Variants in BUB1 observed in about 807,000 individuals in gnomAD.
The protein encoded by BUB1 is mitotic checkpoint serine/threonine-protein kinase BUB1.
In BUB1, 84 loss-of-function variants were observed where a neutral mutation model predicts 135.2. The ratio of observed to expected loss-of-function variants is 0.62; its 90% CI spans 0.52 to 0.74. The LOEUF is 0.74. BUB1 is among the 30% of genes least tolerant of loss of function. The probability of loss-of-function intolerance (pLI) is 0.00; values close to 1 mark genes in which losing one functional copy is unlikely to be tolerated. For synonymous variants in BUB1, 403 were observed against 434.4 expected (o/e 0.93, Z 0.90); for missense variants, 1,162 against 1,288.3 (o/e 0.90, Z 1.50).
intron 16 of BUB1, among the ~76,000 whole-genome samples, chr2:110,654,633 C>CT (rs57453073): frequency 0.013 from 1,629 of 127,008 alleles, 19 homozygotes; most frequent in African/African-American, 0.035. Context: ...AGGCTTTAAT[C>CT]TTTTTTTTTT....
In BUB1 at chr2:110,658,717, G is replaced by A; in HGVS notation, c.1302C>T (p.Asn434=). The A allele has an allele frequency of 6.2e-7, 1 of 1,614,154 alleles. No homozygotes were observed. Among genetic ancestry groups the A allele is most frequent in the South Asian group, 1.1e-5 (1 of 91,082 alleles). ...KEGCETHKVA[N]TSSFHTTPNT... is the part of the protein sequence containing the mutation. The stretch of plus-strand genomic sequence containing the variant: ...TTGGAGTTGTGTGAAAAGAACTTGT[G>A]TTGGCAACCTTATGTGTTTCACACC... The change falls in exon 12 of 25, where the codon AAC becomes AAT. Residue 434 remains asparagine (N), a synonymous_variant. Transcript: ENST00000302759.
At chr2:110,660,189 TG>T (rs1247698183) in intron 10 of BUB1, among the ~76,000 whole-genome samples, 153 bp from the exon 11 acceptor site, 1 of 152,104 alleles carries the variant, frequency 6.6e-6, no homozygotes, top group Non-Finnish European at 1.5e-5. Flanking sequence ...CTGGCCAATA[TG>T]GTGAAACCCC....
chr2:110,652,376 G>T (rs1188588889), intron 17 of BUB1, among the ~76,000 whole-genome samples: 1 of 152,108 alleles, frequency 6.6e-6, no homozygotes, highest in Admixed American at 6.5e-5. Context: ...GGTGATTTTG[G>T]TATTGAAAAT....
chr2:110,642,977 C>T (rs1489253848), intron 19 of BUB1, among the ~76,000 whole-genome samples: 1 of 152,170 alleles, frequency 6.6e-6, no homozygotes, highest in Admixed American at 6.5e-5. Context: ...CAGGAGTGAG[C>T]TAACACACCT....
At position 110,661,788 on chromosome 2, in the gene BUB1, C is replaced by A; in HGVS notation, c.1011G>T (p.Ala337=). 1.2e-6 allele frequency: 2 copies of A among 1,614,156 alleles called. No homozygotes were observed. The highest frequency in any genetic ancestry group is 1.7e-6 in the Non-Finnish European group (2 of 1,180,006). ...GCTGATAGGTTACTGGAAGACATGG[C>A]GCTCTCAGTTCCTGCTGGGAGCCTA... The part of the protein sequence containing the change: ...PSVGSQQELR[A]PCLPVTYQQT... The change falls in exon 10 of 25, where the codon GCG becomes GCT. Residue 337 remains alanine (A), a synonymous_variant. Transcript: ENST00000302759.
intron 19 of BUB1, among the ~76,000 whole-genome samples, chr2:110,646,225 A>G (rs540169625): frequency 1.5e-4 from 23 of 150,842 alleles, no homozygotes; most frequent in African/African-American, 5.6e-4. Context: ...AGTCCTAACT[A>G]CTCAGGAAGC....
Position 110,640,186 on chromosome 2 carries a change from C to T in BUB1, c.2956-338G>A, listed in dbSNP as rs149633952. The stretch of plus-strand genomic sequence containing the variant: ...CAGCTCACTCCCCTGGGACTCTGGT[C>T]GTAGTTCTCTAACTCGCCCCCATGG... On this transcript the variant is annotated intron_variant, in intron 23 of 24. Coordinates refer to ENST00000302759, the MANE Select transcript of BUB1 (RefSeq NM_004336.5). Among the ~76,000 whole-genome samples, 9 of 152,250 alleles carry T rather than the reference C, an allele frequency of 5.9e-5. No homozygotes were observed. In the East Asian group the frequency reaches 1.4e-3, roughly 23 times the overall value.
At chr2:110,657,838 C>G (rs1426512210) in intron 13 of BUB1, among the ~76,000 whole-genome samples, 193 bp from the exon 14 acceptor site, 1 of 152,164 alleles carries the variant, frequency 6.6e-6, no homozygotes, top group Non-Finnish European at 1.5e-5. Flanking sequence ...GTTTTGTACT[C>G]AAGTCCCAGG....
At position 110,653,080 on chromosome 2, in the gene BUB1, T is replaced by C. The variant is rs184217545; in HGVS notation, c.1964+356A>G. ...AGGTTGCATTTAGTTGCTATGTCTC[T>C]TTACTCTTCTTTCATCTGTGACAGT... On this transcript the variant is annotated intron_variant, in intron 17 of 24. Coordinates refer to ENST00000302759, the MANE Select transcript of BUB1 (RefSeq NM_004336.5). 2.6e-4 allele frequency among the ~76,000 whole-genome samples: 39 copies of C among 152,370 alleles called. No homozygotes were observed. In the East Asian group the frequency reaches 7.5e-3, roughly 29 times the overall value.
In BUB1 at chr2:110,667,851, T is replaced by A. The variant is rs767936024; in HGVS notation, c.568-2A>T. The stretch of plus-strand genomic sequence containing the variant: ...TATCACTCCAGAAAGCTCTGAACCC[T>A]AAAAAACAGAAAACAAACATGAGCA... On this transcript the variant is annotated splice_acceptor_variant, in intron 6 of 24. Coordinates refer to ENST00000302759, the MANE Select transcript of BUB1 (RefSeq NM_004336.5). LOFTEE classifies it high-confidence loss of function. 6.2e-7 allele frequency: 1 copy of A among 1,610,510 alleles called. No individual in the cohort carries two copies. Among genetic ancestry groups the A allele is most frequent in the Non-Finnish European group, 8.5e-7 (1 of 1,179,154 alleles).
chr2:110,674,280 G>C, intron 2 of BUB1, 26 bp downstream of exon 2: 1 of 1,613,556 alleles, frequency 6.2e-7, no homozygotes, highest in Non-Finnish European at 8.5e-7. Flanking sequence ...GTTTGTTTAA[G>C]GGAAATAAAA....
At chr2:110,663,897 C>T (rs546673201) in intron 9 of BUB1, among the ~76,000 whole-genome samples, 102 of 151,982 alleles carry the variant, frequency 6.7e-4, no homozygotes, top group Non-Finnish European at 1.0e-3. Flanking sequence ...GGCATGGTGG[C>T]AGGCGCCTGT....
Position 110,639,409 on chromosome 2 carries a change from GA to G in BUB1, c.3062+332del, listed in dbSNP as rs1054861451. On this transcript the variant is annotated intron_variant, in intron 24 of 24. Transcript: ENST00000302759. ...TTCCATAGACCAAAAAAAAAAAAAA[GA>G]AAAAAAAGAAAAAAGAAAAAACCAG... is the stretch of plus-strand genomic sequence containing the variant. 4.3e-5 allele frequency among the ~76,000 whole-genome samples: 6 copies of G among 139,184 alleles called. No homozygotes were observed. In the South Asian group the frequency reaches 1.3e-3, roughly 31 times the overall value. 91.3% of individuals were successfully genotyped at this position (139,184 alleles called of 152,430 possible).
At chr2:110,653,247 C>T (rs1399786920) in intron 17 of BUB1, among the ~76,000 whole-genome samples, 189 bp downstream of exon 17, 1 of 152,226 alleles carries the variant, frequency 6.6e-6, no homozygotes, top group Non-Finnish European at 1.5e-5. Context: ...CTTAGGTTCA[C>T]TGTTGTATGT....
Position 110,639,747 on chromosome 2 carries a change from A to G in BUB1, c.3057T>C (p.Phe1019=). 2 of 1,609,840 alleles carry G rather than the reference A, an allele frequency of 1.2e-6. No individual in the cohort carries two copies. The change falls in exon 24 of 25, where the codon TTT becomes TTC. Residue 1019 remains phenylalanine, a synonymous_variant. Transcript: ENST00000302759. The part of the protein sequence containing the change: ...EGGECKPEGL[F]RRLPHLDMWN... ...GCACCAATGCTAATACTCACCTTCTAAAAAGACCTTCAGGCTTACACTCTC... is the reference window on the plus strand; with the variant it reads ...GCACCAATGCTAATACTCACCTTCTGAAAAGACCTTCAGGCTTACACTCTC...
chr2:110,658,009 A>C lies in BUB1; in HGVS notation c.1517-364T>G, dbSNP rs543705445. On this transcript the variant is annotated intron_variant, in intron 13 of 24. Transcript: ENST00000302759. ...TTACATTTCAAGTCCTCCTGAGTCT[A>C]ATTGGCTTCTACTTATCTTTATCAT... Among the ~76,000 whole-genome samples, 66 of 152,284 alleles carry C rather than the reference A, an allele frequency of 4.3e-4. 1 individual carries two copies. In the South Asian group the frequency reaches 8.3e-3, roughly 19 times the overall value.
intron 13 of BUB1, among the ~76,000 whole-genome samples, chr2:110,657,998 C>T (rs184016356): frequency 6.6e-6 from 1 of 152,288 alleles, no homozygotes; most frequent in Admixed American, 6.5e-5. Flanking sequence ...ATTTCAAGTC[C>T]TCCTGAGTCT....
At position 110,642,112 on chromosome 2, in the gene BUB1, C is replaced by A. The variant is rs957657111; in HGVS notation, c.2463+7G>T. On this transcript the variant is annotated splice_region_variant and intron_variant, in intron 20 of 24. Coordinates refer to ENST00000302759, the MANE Select transcript of BUB1 (RefSeq NM_004336.5). ...ATATCATACAAAAGACAACTCAGGT[C>A]ATTTACCTTTAAAACAAATTTCTGT... 3.2e-6 allele frequency: 5 copies of A among 1,584,836 alleles called. No homozygotes were observed. The African/African-American group carries it at 4.1e-5, about 13-fold the overall frequency.
intron 24 of BUB1, 57 bp from the exon 25 acceptor site, chr2:110,638,216 AC>A: frequency 7.2e-7 from 1 of 1,382,064 alleles, no homozygotes; most frequent in Non-Finnish European, 9.7e-7. Context: ...ATGCAGGATA[AC>A]CCCACCCCTG....
Sources: gnomAD v4.1 joint callset for allele counts (sites outside exome capture counted in the v4.1 genomes callset) on GRCh38, gnomAD v4.1.1 for gene constraint, MANE v1.5 for transcripts, NCBI Gene and HGNC (gene_info 2026-07-23, HGNC 2026-07-21) for gene names.